Variants in GBE1 observed in about 807,000 individuals in gnomAD.
GBE1 encodes the protein 1,4-alpha-glucan-branching enzyme.
In GBE1, 70 loss-of-function variants were observed where a neutral mutation model predicts 88.8. The ratio of observed to expected loss-of-function variants is 0.79; its 90% CI spans 0.65 to 0.96. The LOEUF (loss-of-function observed/expected upper bound fraction) is 0.96, where lower values mean the gene tolerates loss of function less well. Among genes scored for constraint, GBE1 ranks in the 40% least tolerant of loss-of-function variants. The pLI is 0.00. For missense variants in GBE1, 872 were observed against 871.0 expected (o/e 1.00, Z -0.01); for synonymous variants, 284 against 300.1 (o/e 0.95, Z 0.56).
intron 7 of GBE1, among the ~76,000 whole-genome samples, chr3:81,611,137 C>T (rs1481701749): frequency 6.6e-6 from 1 of 151,958 alleles, no homozygotes; most frequent in Non-Finnish European, 1.5e-5. Flanking sequence ...GTCTAGAAGA[C>T]AGAACAGCAC....
At position 81,649,906 on chromosome 3, in the gene GBE1, T is replaced by C; in HGVS notation, c.445A>G (p.Lys149Glu). ...GSKLKVVITS[K>E]SGEILYRISP... The stretch of plus-strand genomic sequence containing the variant: ...ATACGATACAAGATCTCTCCGCTTT[T>C]ACTAGTAATAACTACCTAAAAAGAG... Residue 149 changes from lysine (K) to glutamate (E), a missense_variant, in exon 4 of 16, where the codon AAA becomes GAA. By Grantham distance (56) the Lys-to-Glu change is moderately conservative. Transcript: ENST00000429644. The C allele has an allele frequency of 1.2e-6, 2 of 1,608,124 alleles. No homozygotes were observed. The highest frequency in any genetic ancestry group is 2.2e-5 in the East Asian group (1 of 44,714).
At chr3:81,687,505 T>C (rs1028840049) in intron 2 of GBE1, among the ~76,000 whole-genome samples, 7 of 152,202 alleles carry the variant, frequency 4.6e-5, no homozygotes, top group African/African-American at 1.7e-4. Flanking sequence ...AGGCAACTAT[T>C]ACGTGAATGA....
intron 14 of GBE1, among the ~76,000 whole-genome samples, chr3:81,504,220 C>T (rs1430579684): frequency 1.3e-5 from 2 of 151,992 alleles, no homozygotes; most frequent in East Asian, 3.9e-4. Context: ...TATCACATTC[C>T]AAGCATAAAG....
At chr3:81,655,652 G>A (rs1000009858) in intron 3 of GBE1, among the ~76,000 whole-genome samples, 3 of 152,080 alleles carry the variant, frequency 2.0e-5, no homozygotes, top group Non-Finnish European at 2.9e-5. Context: ...GAGTAGCTGG[G>A]ATTACAGGCA....
chr3:81,660,716 AAAC>A (rs988416749), intron 3 of GBE1, among the ~76,000 whole-genome samples: 2 of 152,098 alleles, frequency 1.3e-5, no homozygotes, highest in African/African-American at 2.4e-5. Context: ...AGTGCAAAAA[AAAC>A]ACACACACAT....
At chr3:81,531,389 C>A (rs1000801536) in intron 14 of GBE1, among the ~76,000 whole-genome samples, 1 of 150,848 alleles carries the variant, frequency 6.6e-6, no homozygotes, top group Non-Finnish European at 1.5e-5. Context: ...TTTCCTCAGG[C>A]AGGAGTCTCT....
chr3:81,653,402 C>T (rs1428054504), intron 3 of GBE1, among the ~76,000 whole-genome samples: 1 of 151,980 alleles, frequency 6.6e-6, no homozygotes, highest in Non-Finnish European at 1.5e-5. Flanking sequence ...AAGAGGACAG[C>T]TTGAGCCAAA....
At chr3:81,608,884 T>C (rs865968423) in intron 7 of GBE1, among the ~76,000 whole-genome samples, 1 of 152,152 alleles carries the variant, frequency 6.6e-6, no homozygotes, top group South Asian at 2.1e-4. Context: ...TAAGACGGAT[T>C]AACAGGAGAA....
At chr3:81,558,896 A>G (rs1306233307) in intron 12 of GBE1, among the ~76,000 whole-genome samples, 1 of 152,078 alleles carries the variant, frequency 6.6e-6, no homozygotes, top group African/African-American at 2.4e-5. Context: ...TCAGAATTTA[A>G]AAGTATCAGC....
At chr3:81,699,322 C>T (rs1705651251) in intron 2 of GBE1, among the ~76,000 whole-genome samples, 1 of 152,138 alleles carries the variant, frequency 6.6e-6, no homozygotes, top group Non-Finnish European at 1.5e-5. Context: ...CCTGCCAAAA[C>T]AATTCTCTTC....
chr3:81,720,362 GTATA>G (rs568157813), intron 1 of GBE1, among the ~76,000 whole-genome samples: 4 of 143,376 alleles, frequency 2.8e-5, no homozygotes, highest in South Asian at 2.2e-4. Context: ...GTGTGTGTGT[GTATA>G]TATATATATA....
chr3:81,598,240 T>C (rs1430846369), intron 7 of GBE1, among the ~76,000 whole-genome samples: 1 of 151,840 alleles, frequency 6.6e-6, no homozygotes, highest in African/African-American at 2.4e-5. Flanking sequence ...CAAAAAAATA[T>C]AAAGGAAAAA....
intron 1 of GBE1, among the ~76,000 whole-genome samples, chr3:81,709,692 T>C (rs2107174118): frequency 6.6e-6 from 1 of 152,324 alleles, no homozygotes; most frequent in South Asian, 2.1e-4. Context: ...AAAATTTCCA[T>C]GGAACCACGA....
intron 7 of GBE1, among the ~76,000 whole-genome samples, chr3:81,604,404 C>T (rs1182970350): frequency 6.6e-6 from 1 of 150,424 alleles, no homozygotes; most frequent in Non-Finnish European, 1.5e-5. Flanking sequence ...CCTCTCACCT[C>T]AGCCCCCAAG....
At chr3:81,496,707 T>G (rs1024202800) in intron 15 of GBE1, among the ~76,000 whole-genome samples, 8 of 152,308 alleles carry the variant, frequency 5.3e-5, no homozygotes, top group South Asian at 2.1e-4. Context: ...GTACATTTGT[T>G]AATGTGATTT....
At chr3:81,722,894 G>A (rs201426323) in intron 1 of GBE1, among the ~76,000 whole-genome samples, 1,929 of 134,908 alleles carry the variant, frequency 0.014, 81 homozygotes, top group Admixed American at 0.068. Flanking sequence ...GTGTGTGTGT[G>A]TGTATATATA....
intron 12 of GBE1, among the ~76,000 whole-genome samples, chr3:81,561,737 AC>A (rs1406805036): frequency 4.6e-5 from 7 of 151,892 alleles, no homozygotes; most frequent in Non-Finnish European, 8.8e-5. Flanking sequence ...CTCCTGCAAA[AC>A]CCTTCAAAAG....
Position 81,504,249 on chromosome 3 carries a change from CAA to C in GBE1, c.1935-5024_1935-5023del, listed in dbSNP as rs576496165. On this transcript the variant is annotated intron_variant, in intron 14 of 15. Transcript: ENST00000429644. ...CATAAAGAGGACAGAATGAAAATGA[CAA>C]GAGAAGAATAAAAATAGAAAAATCA... 5.3e-4 allele frequency among the ~76,000 whole-genome samples: 80 copies of C among 151,864 alleles called. No individual in the cohort carries two copies. The East Asian group carries it at 0.013, about 24-fold the overall frequency.
At chr3:81,755,781 A>T (rs1706593129) in intron 1 of GBE1, among the ~76,000 whole-genome samples, 1 of 152,088 alleles carries the variant, frequency 6.6e-6, no homozygotes, top group Non-Finnish European at 1.5e-5. Flanking sequence ...GTTTCTCAGG[A>T]AGACAGAAAG....
Sources: gnomAD v4.1 joint callset for allele counts (sites outside exome capture counted in the v4.1 genomes callset) on GRCh38, gnomAD v4.1.1 for gene constraint, MANE v1.5 for transcripts, NCBI Gene and HGNC (gene_info 2026-07-23, HGNC 2026-07-21) for gene names.